The following SMURF1 variants were observed in gnomAD, a reference collection of about 807,000 sequenced individuals.
SMURF1 encodes the protein SMAD specific E3 ubiquitin protein ligase 1, also known as E3 ubiquitin-protein ligase SMURF1.
SMURF1 carries 44 observed loss-of-function variants against 98.0 expected under a neutral mutation model. The observed-to-expected ratio is 0.45, with a 90% CI of 0.35 to 0.58. The LOEUF (loss-of-function observed/expected upper bound fraction) is 0.58, where lower values mean the gene tolerates loss of function less well. SMURF1 is among the 20% of genes least tolerant of loss of function. The probability of loss-of-function intolerance (pLI) is 0.00; values close to 1 mark genes in which losing one functional copy is unlikely to be tolerated. For missense variants in SMURF1, 687 were observed against 938.4 expected (o/e 0.73, Z 3.50); for synonymous variants, 396 against 374.9 (o/e 1.06, Z -0.65).
rs975536719 is a variant in SMURF1, at chr7:99,052,083, C to T, written c.721+122G>A. 11 of 1,360,526 alleles carry T rather than the reference C, an allele frequency of 8.1e-6. No individual in the cohort carries two copies. The African/African-American group carries it at 1.3e-4, about 16-fold the overall frequency. 84.3% of individuals were successfully genotyped at this position (1,360,526 alleles called of 1,614,324 possible). On this transcript the variant is annotated intron_variant, in intron 7 of 17. Transcript: ENST00000361368. Reference sequence around the variant, plus strand: ...TAGGGAGGTCAAGGCTGCCGTGAGCCATGATCATGCCACTGCACTCCAGCA... The same window carrying T: ...TAGGGAGGTCAAGGCTGCCGTGAGCTATGATCATGCCACTGCACTCCAGCA...
At chr7:99,132,181 A>G (rs1797884870) in intron 1 of SMURF1, among the ~76,000 whole-genome samples, 1 of 152,212 alleles carries the variant, frequency 6.6e-6, no homozygotes, top group Non-Finnish European at 1.5e-5. Flanking sequence ...CTGGCTGACA[A>G]CAACCTGTAA....
Position 99,144,017 on chromosome 7 carries a change from C to T in SMURF1, c.-237G>A. The T allele has an allele frequency of 6.0e-6, 1 of 167,284 alleles. No individual in the cohort carries two copies. Among genetic ancestry groups the T allele is most frequent in the Non-Finnish European group, 1.1e-5 (1 of 88,566 alleles). 10.4% of individuals were successfully genotyped at this position (167,284 alleles called of 1,614,324 possible). A position where few individuals can be genotyped will look rare whatever the true frequency, so the allele number is the denominator to read the frequency against. Reference sequence around the variant, plus strand: ...GCTTCCAGCCGAGCCCAGTCCCGAGCCGCCGCCGCCTCCGCCGCCGCCTCC... The same window carrying T: ...GCTTCCAGCCGAGCCCAGTCCCGAGTCGCCGCCGCCTCCGCCGCCGCCTCC... On this transcript the variant is annotated 5_prime_UTR_variant, in exon 1 of 18. Transcript: ENST00000361368.
At chr7:99,065,030 T>C (rs1444777143) in intron 1 of SMURF1, among the ~76,000 whole-genome samples, 2 of 152,176 alleles carry the variant, frequency 1.3e-5, no homozygotes, top group African/African-American at 4.8e-5. Context: ...CTATTTACAA[T>C]AGAGTATCTT....
intron 1 of SMURF1, among the ~76,000 whole-genome samples, chr7:99,139,273 C>T (rs971489741): frequency 2.6e-5 from 4 of 152,192 alleles, no homozygotes; most frequent in Non-Finnish European, 4.4e-5. Flanking sequence ...CCACAAGCTA[C>T]AATTTTAAAA....
At chr7:99,102,391 G>A (rs1289221799) in intron 1 of SMURF1, among the ~76,000 whole-genome samples, 1 of 152,122 alleles carries the variant, frequency 6.6e-6, no homozygotes, top group Non-Finnish European at 1.5e-5. Flanking sequence ...ATGAATAACT[G>A]AATATACCCA....
chr7:99,051,609 G>A (rs1455510584), intron 7 of SMURF1, among the ~76,000 whole-genome samples, 168 bp from the exon 8 acceptor site: 3 of 151,802 alleles, frequency 2.0e-5, no homozygotes, highest in Non-Finnish European at 4.4e-5. Flanking sequence ...TCTCCATCTC[G>A]CCCCATGCTC....
At chr7:99,067,203 G>A (rs1177990955) in intron 1 of SMURF1, among the ~76,000 whole-genome samples, 3 of 151,448 alleles carry the variant, frequency 2.0e-5, no homozygotes, top group Admixed American at 6.6e-5. Flanking sequence ...TCACCATATT[G>A]GTCAGGCTGG....
At chr7:99,031,663 C>T (rs1411084005) in intron 17 of SMURF1, among the ~76,000 whole-genome samples, 1 of 152,206 alleles carries the variant, frequency 6.6e-6, no homozygotes, top group African/African-American at 2.4e-5. Context: ...ATGCTTGGAG[C>T]AGGACCTTGG....
chr7:99,131,536 G>A (rs1250491641), intron 1 of SMURF1, among the ~76,000 whole-genome samples: 1 of 152,104 alleles, frequency 6.6e-6, no homozygotes, highest in Non-Finnish European at 1.5e-5. Flanking sequence ...TTGAAGCCAG[G>A]AGTTCTGGAC....
intron 10 of SMURF1, 55 bp downstream of exon 10, chr7:99,047,629 G>C: frequency 6.4e-7 from 1 of 1,568,596 alleles, no homozygotes; most frequent in Non-Finnish European, 8.8e-7. Context: ...TCCTTTGTCT[G>C]AATTGCCTTA....
At chr7:99,083,170 A>C (rs1332142512) in intron 1 of SMURF1, among the ~76,000 whole-genome samples, 1 of 152,192 alleles carries the variant, frequency 6.6e-6, no homozygotes, top group South Asian at 2.1e-4. Flanking sequence ...TGACTACACT[A>C]AAAACCACAG....
intron 1 of SMURF1, among the ~76,000 whole-genome samples, chr7:99,082,486 A>C (rs1276126926): frequency 6.6e-6 from 1 of 152,184 alleles, no homozygotes; most frequent in Non-Finnish European, 1.5e-5. Flanking sequence ...TCCCCTGTCA[A>C]ATTATCTTGT....
In SMURF1 at chr7:99,035,520, AAAGCCTTG is replaced by A. The variant is rs1158945736; in HGVS notation, c.1998_2005del (p.Lys667AlafsTer32). On this transcript the variant is annotated frameshift_variant, in exon 16 of 18. Coordinates refer to ENST00000361368, the MANE Select transcript of SMURF1 (RefSeq NM_181349.3). LOFTEE classifies it high-confidence loss of function. ...CCTGCCTCCACGTCAGTCACCTTGC[AAAGCCTTG>A]AAGCCTTGGAGCGGGACTCGCGTGG... The A allele has an allele frequency of 1.2e-6, 2 of 1,614,188 alleles. No individual in the cohort carries two copies. Among genetic ancestry groups the A allele is most frequent in the Non-Finnish European group, 8.5e-7 (1 of 1,180,042 alleles).
At chr7:99,052,485 G>A in intron 6 of SMURF1, 39 bp from the exon 7 acceptor site, 3 of 1,479,238 alleles carry the variant, frequency 2.0e-6, no homozygotes, top group Non-Finnish European at 2.7e-6. Flanking sequence ...GTGTCACCAT[G>A]GAGGAGTCAC....
intron 1 of SMURF1, among the ~76,000 whole-genome samples, chr7:99,064,981 T>TA (rs1796152134): frequency 6.6e-6 from 1 of 152,220 alleles, no homozygotes; most frequent in Non-Finnish European, 1.5e-5. Flanking sequence ...AGCAAGTTTT[T>TA]AAAAAATGAC....
chr7:99,131,927 C>T (rs1337236835), intron 1 of SMURF1, among the ~76,000 whole-genome samples: 1 of 152,148 alleles, frequency 6.6e-6, no homozygotes, highest in Non-Finnish European at 1.5e-5. Context: ...AAACGTTATT[C>T]AAGATGCAAC....
intron 12 of SMURF1, among the ~76,000 whole-genome samples, chr7:99,040,912 T>TGGACG (rs1223055343): frequency 2.0e-5 from 3 of 152,130 alleles, no homozygotes; most frequent in Non-Finnish European, 4.4e-5. Context: ...GGCACCATGC[T>TGGACG]GGACGCGCAC....
At chr7:99,052,870 C>G (rs1226184773) in intron 6 of SMURF1, among the ~76,000 whole-genome samples, 4 of 152,114 alleles carry the variant, frequency 2.6e-5, no homozygotes, top group Non-Finnish European at 4.4e-5. Flanking sequence ...TCAAGACCAG[C>G]CTGGCCAACA....
chr7:99,090,046 C>T (rs1412099210), intron 1 of SMURF1, among the ~76,000 whole-genome samples: 3 of 152,160 alleles, frequency 2.0e-5, no homozygotes, highest in Admixed American at 2.0e-4. Flanking sequence ...TTGACAAAGA[C>T]TGGCAAATAT....
Sources: allele counts gnomAD v4.1 joint callset (sites outside exome capture counted in the v4.1 genomes callset), GRCh38; gene constraint gnomAD v4.1.1; transcripts MANE v1.5; gene names NCBI Gene and HGNC (gene_info 2026-07-23, HGNC 2026-07-21).